CSMD1: variants seen among roughly 807,000 people sequenced by gnomAD.
CSMD1 encodes CUB and sushi domain-containing protein 1.
A neutral mutation model predicts 417.5 loss-of-function variants in CSMD1; 213 were observed. That is an observed-to-expected ratio of 0.51 (90% CI 0.46 to 0.57). The LOEUF is 0.57. CSMD1 is among the 20% of genes least tolerant of loss of function. The pLI, the probability that CSMD1 is intolerant of heterozygous loss-of-function variation, is 0.00. For missense variants in CSMD1, 6,923 were observed against 4,529.7 expected, an observed-to-expected ratio of 1.53 and a Z score of -15.17; for synonymous variants, 2,862 against 1,736.8, an observed-to-expected ratio of 1.65 and a Z score of -16.11.
intron 4 of CSMD1, among the ~76,000 whole-genome samples, chr8:4,015,537 G>C (rs952249550): frequency 6.6e-6 from 1 of 151,880 alleles, no homozygotes; most frequent in East Asian, 1.9e-4. Context: ...ACACTATTTA[G>C]CATGTTTTAT....
chr8:3,973,122 A>C (rs926579287), intron 5 of CSMD1, among the ~76,000 whole-genome samples: 1 of 152,222 alleles, frequency 6.6e-6, no homozygotes, highest in Admixed American at 6.5e-5. Flanking sequence ...TGACAGTTGG[A>C]AAGTTATGAA....
intron 3 of CSMD1, among the ~76,000 whole-genome samples, chr8:4,084,688 G>C (rs896684680): frequency 6.6e-6 from 1 of 151,994 alleles, no homozygotes; most frequent in Non-Finnish European, 1.5e-5. Flanking sequence ...ACTAGCAATA[G>C]AGGCATCAAT....
At chr8:4,711,607 G>C (rs200798259) in intron 1 of CSMD1, among the ~76,000 whole-genome samples, 1 of 151,950 alleles carries the variant, frequency 6.6e-6, no homozygotes, top group African/African-American at 2.4e-5. Flanking sequence ...TAGAAATATA[G>C]TCTGTAAGAG....
chr8:3,958,415 G>C (rs2627500), intron 5 of CSMD1, among the ~76,000 whole-genome samples: 2 of 151,300 alleles, frequency 1.3e-5, no homozygotes, highest in African/African-American at 2.4e-5. Flanking sequence ...AAAATGGTGA[G>C]TTCATGGAAG....
chr8:3,081,722 G>C (rs1356080624), intron 49 of CSMD1, among the ~76,000 whole-genome samples: 2 of 152,292 alleles, frequency 1.3e-5, no homozygotes, highest in Non-Finnish European at 1.5e-5. Context: ...TATTACAGCA[G>C]ATAGTCTTTC....
intron 12 of CSMD1, among the ~76,000 whole-genome samples, chr8:3,455,349 T>G (rs1027941859): frequency 3.6e-4 from 55 of 152,362 alleles, no homozygotes; most frequent in African/African-American, 1.3e-3. Flanking sequence ...GCTCCATTGC[T>G]GGTGAGGAGC....
intron 3 of CSMD1, among the ~76,000 whole-genome samples, chr8:4,349,644 T>A (rs1387064338): frequency 6.6e-6 from 1 of 152,176 alleles, no homozygotes; most frequent in African/African-American, 2.4e-5. Flanking sequence ...TTGCATACCT[T>A]CATAATATTT....
chr8:4,456,117 G>A (rs1299301290), intron 2 of CSMD1, among the ~76,000 whole-genome samples: 1 of 147,264 alleles, frequency 6.8e-6, no homozygotes, highest in African/African-American at 2.5e-5. Context: ...AAAATAAGAA[G>A]GACATTATGC....
At chr8:3,413,483 A>T (rs62505571) in intron 12 of CSMD1, among the ~76,000 whole-genome samples, 1 of 152,172 alleles carries the variant, frequency 6.6e-6, no homozygotes, top group Non-Finnish European at 1.5e-5. Flanking sequence ...ATCAGGCATT[A>T]GGGGTTGACA....
intron 1 of CSMD1, among the ~76,000 whole-genome samples, chr8:4,939,312 G>A (rs747589597): frequency 3.3e-5 from 5 of 152,182 alleles, no homozygotes; most frequent in African/African-American, 4.8e-5. Flanking sequence ...TGCATCCAAA[G>A]GAGAAGTCCA....
chr8:3,502,632 T>C (rs1796654531), intron 10 of CSMD1, among the ~76,000 whole-genome samples: 1 of 152,166 alleles, frequency 6.6e-6, no homozygotes, highest in Non-Finnish European at 1.5e-5. Flanking sequence ...TGTTGCAACA[T>C]TTCAACTGCA....
intron 5 of CSMD1, among the ~76,000 whole-genome samples, chr8:3,867,911 G>A (rs1012093099): frequency 3.3e-5 from 5 of 151,848 alleles, no homozygotes; most frequent in African/African-American, 7.3e-5. Context: ...TGTCACCTCC[G>A]CCTCCTGCCT....
At chr8:3,235,320 T>C (rs552936538) in intron 26 of CSMD1, among the ~76,000 whole-genome samples, 21 of 152,272 alleles carry the variant, frequency 1.4e-4, no homozygotes, top group African/African-American at 5.1e-4. Context: ...TTAATGTTTA[T>C]CAAAAGAAAA....
intron 1 of CSMD1, among the ~76,000 whole-genome samples, chr8:4,916,958 G>A (rs1027437710): frequency 5.3e-5 from 8 of 152,146 alleles, no homozygotes; most frequent in South Asian, 2.1e-4. Flanking sequence ...TTAGGCATCC[G>A]CAGGTGTACA....
chr8:4,955,122 T>A (rs1442509339), intron 1 of CSMD1, among the ~76,000 whole-genome samples: 2 of 152,138 alleles, frequency 1.3e-5, no homozygotes. Context: ...TAAATGGGAC[T>A]CTTTGGCTGC....
At chr8:3,555,040 C>G (rs1799084385) in intron 10 of CSMD1, among the ~76,000 whole-genome samples, 1 of 152,060 alleles carries the variant, frequency 6.6e-6, no homozygotes, top group Non-Finnish European at 1.5e-5. Context: ...CGTGAGGAGT[C>G]CTCCGCCAGG....
intron 68 of CSMD1, among the ~76,000 whole-genome samples, chr8:2,946,641 T>C (rs1302350324): frequency 2.6e-5 from 4 of 152,240 alleles, no homozygotes; most frequent in Admixed American, 2.0e-4. Context: ...CATTCATCCA[T>C]TGATAGACAT....
intron 5 of CSMD1, among the ~76,000 whole-genome samples, chr8:3,961,732 G>A (rs776619688): frequency 3.3e-5 from 5 of 152,170 alleles, no homozygotes; most frequent in Non-Finnish European, 7.3e-5. Context: ...CATTTCCTGC[G>A]TATGTAGTAA....
At chr8:4,094,092 T>C (rs1359374176) in intron 3 of CSMD1, among the ~76,000 whole-genome samples, 1 of 151,928 alleles carries the variant, frequency 6.6e-6, no homozygotes, top group Non-Finnish European at 1.5e-5. Context: ...GCTGTGTGGA[T>C]GGAGGAAAAC....
Sources: gnomAD v4.1 joint callset for allele counts (sites outside exome capture counted in the v4.1 genomes callset) on GRCh38, gnomAD v4.1.1 for gene constraint, MANE v1.5 for transcripts, NCBI Gene and HGNC (gene_info 2026-07-23, HGNC 2026-07-21) for gene names.